MACROD2: variants seen among roughly 807,000 people sequenced by gnomAD.
MACROD2 encodes the protein ADP-ribose glycohydrolase MACROD2.
Under a neutral mutation model 70.4 loss-of-function variants are expected in MACROD2, and 36 were observed. The ratio of observed to expected loss-of-function variants is 0.51; its 90% confidence interval spans 0.39 to 0.68. The LOEUF is 0.68. Among genes scored for constraint, MACROD2 ranks in the 30% least tolerant of loss-of-function variants. The pLI, the probability that MACROD2 is intolerant of heterozygous loss-of-function variation, is 0.00. For synonymous variants in MACROD2, 172 were observed against 178.8 expected, an observed-to-expected ratio of 0.96 and a Z score of 0.30; for missense variants, 496 against 538.4, an observed-to-expected ratio of 0.92 and a Z score of 0.78.
chr20:15,016,751 C>CA (rs2075124780), intron 5 of MACROD2, among the ~76,000 whole-genome samples: 1 of 151,912 alleles, frequency 6.6e-6, no homozygotes, highest in African/African-American at 2.4e-5. Flanking sequence ...TGGTGGGAGG[C>CA]AAAACGCTTG....
chr20:14,092,054 C>T lies in MACROD2; in HGVS notation c.271+6326C>T, dbSNP rs953234364. Among the ~76,000 whole-genome samples the T allele has an allele frequency of 3.3e-5, 5 of 152,218 alleles. No individual in the cohort carries two copies. The East Asian group carries it at 7.7e-4, about 23-fold the overall frequency. On this transcript the variant is annotated intron_variant, in intron 3 of 17. Transcript: ENST00000684519. ...TAGTTGTACCATTTTACATTCTTAC[C>T]AGCAATGTGTGATAGGTTCAGTTTT...
In MACROD2 at chr20:15,797,215, G is replaced by A. The variant is rs184808825; in HGVS notation, c.646-65530G>A. Among the ~76,000 whole-genome samples the A allele has an allele frequency of 4.6e-3, 696 of 152,198 alleles. 8 individuals carry two copies. Among genetic ancestry groups the A allele is most frequent in the African/African-American group, 0.015 (614 of 41,530 alleles). On this transcript the variant is annotated intron_variant, in intron 8 of 17. Transcript: ENST00000684519. ...TGCAAGCTCCGCCTCCCAGGTTCAC[G>A]CCATTCTCCTGCCTCAGCCTCCCTA...
intron 2 of MACROD2, among the ~76,000 whole-genome samples, chr20:14,070,633 C>A (rs946267043): frequency 3.9e-5 from 6 of 152,044 alleles, no homozygotes; most frequent in African/African-American, 1.5e-4. Context: ...TGATTTAAAT[C>A]TGTATCCACA....
At chr20:14,528,784 A>G (rs975894976) in intron 4 of MACROD2, among the ~76,000 whole-genome samples, 3 of 152,082 alleles carry the variant, frequency 2.0e-5, no homozygotes, top group East Asian at 1.9e-4. Flanking sequence ...TCTCTAATCC[A>G]ACAGTAATAG....
At chr20:14,760,952 T>A (rs1389988759) in intron 5 of MACROD2, among the ~76,000 whole-genome samples, 1 of 152,122 alleles carries the variant, frequency 6.6e-6, no homozygotes, top group African/African-American at 2.4e-5. Flanking sequence ...TCTCTGTTCT[T>A]GTTCTCTTTG....
At chr20:14,337,477 A>T (rs1194307474) in intron 3 of MACROD2, 1 of 397,758 alleles carries the variant, frequency 2.5e-6, no homozygotes, top group Non-Finnish European at 4.4e-6. Context: ...GAATTGGAGT[A>T]ATAGCCCTCC....
At chr20:14,765,396 A>T in intron 5 of MACROD2, among the ~76,000 whole-genome samples, 1 of 150,722 alleles carries the variant, frequency 6.6e-6, no homozygotes, top group Non-Finnish European at 1.5e-5. Flanking sequence ...TTTCCTACTG[A>T]CTCTCCTCGC....
intron 4 of MACROD2, among the ~76,000 whole-genome samples, chr20:14,542,403 A>C (rs892818293): frequency 1.2e-4 from 18 of 152,242 alleles, no homozygotes; most frequent in African/African-American, 4.3e-4. Context: ...GGATTAGAGA[A>C]AAGAAAAGGG....
At chr20:15,847,988 A>G (rs1200474253) in intron 8 of MACROD2, among the ~76,000 whole-genome samples, 2 of 152,336 alleles carry the variant, frequency 1.3e-5, no homozygotes, top group East Asian at 1.9e-4. Context: ...ATAGGAACCA[A>G]CATACCTCAG....
At chr20:15,589,410 C>T (rs901283054) in intron 8 of MACROD2, among the ~76,000 whole-genome samples, 4 of 152,110 alleles carry the variant, frequency 2.6e-5, no homozygotes, top group African/African-American at 9.7e-5. Context: ...ACATCAAAAT[C>T]GAGTGAAAGA....
At chr20:15,228,176 T>C (rs935863876) in intron 5 of MACROD2, among the ~76,000 whole-genome samples, 1 of 152,190 alleles carries the variant, frequency 6.6e-6, no homozygotes, top group African/African-American at 2.4e-5. Flanking sequence ...AAAAATGATA[T>C]CACTGTGTGC....
chr20:14,448,982 A>G (rs1183111794), intron 3 of MACROD2, among the ~76,000 whole-genome samples: 2 of 152,152 alleles, frequency 1.3e-5, no homozygotes, highest in African/African-American at 2.4e-5. Flanking sequence ...TAACAAATCT[A>G]TAATTAAGTC....
chr20:15,869,617 G>A (rs1199748748), intron 9 of MACROD2, among the ~76,000 whole-genome samples: 1 of 151,916 alleles, frequency 6.6e-6, no homozygotes, highest in Non-Finnish European at 1.5e-5. Flanking sequence ...TATAACAAGT[G>A]TTTTGTAGTT....
chr20:14,428,125 G>A (rs2083954664), intron 3 of MACROD2, among the ~76,000 whole-genome samples: 1 of 152,054 alleles, frequency 6.6e-6, no homozygotes, highest in African/African-American at 2.4e-5. Flanking sequence ...TAGCCATTTT[G>A]TAAACTGACA....
intron 6 of MACROD2, among the ~76,000 whole-genome samples, chr20:15,301,206 G>T (rs2077638856): frequency 6.6e-6 from 1 of 152,178 alleles, no homozygotes; most frequent in African/African-American, 2.4e-5. Context: ...TGCTATTCTA[G>T]GGGGCACAGT....
intron 4 of MACROD2, among the ~76,000 whole-genome samples, chr20:14,533,082 A>G (rs1194727230): frequency 6.6e-6 from 1 of 151,956 alleles, no homozygotes; most frequent in Non-Finnish European, 1.5e-5. Context: ...AGTTTTCCAA[A>G]AAACAGGAGA....
chr20:15,162,233 A>G (rs1179899532), intron 5 of MACROD2, among the ~76,000 whole-genome samples: 1 of 152,010 alleles, frequency 6.6e-6, no homozygotes, highest in Non-Finnish European at 1.5e-5. Context: ...TTTAAAAAGG[A>G]CTAGGAGCAG....
At chr20:14,977,467 A>G (rs1290414502) in intron 5 of MACROD2, among the ~76,000 whole-genome samples, 3 of 142,874 alleles carry the variant, frequency 2.1e-5, no homozygotes, top group Non-Finnish European at 4.6e-5. Flanking sequence ...AAAGATACAC[A>G]CACACACACA....
chr20:15,508,911 CA>C (rs1403793813), intron 8 of MACROD2, among the ~76,000 whole-genome samples: 1 of 152,056 alleles, frequency 6.6e-6, no homozygotes, highest in Non-Finnish European at 1.5e-5. Flanking sequence ...AGTGAAGAAC[CA>C]AAACTGAAGC....
Sources: allele counts gnomAD v4.1 joint callset (sites outside exome capture counted in the v4.1 genomes callset), GRCh38; gene constraint gnomAD v4.1.1; transcripts MANE v1.5; gene names NCBI Gene and HGNC (gene_info 2026-07-23, HGNC 2026-07-21).